The following OTUD7A variants were observed in gnomAD, a reference collection of about 807,000 sequenced individuals.
OTUD7A encodes OTU domain-containing protein 7A.
In OTUD7A, 12 loss-of-function variants were observed where a neutral mutation model predicts 65.7. That is an observed-to-expected ratio of 0.18 (90% CI 0.12 to 0.30). OTUD7A has a LOEUF of 0.30. Ranked by LOEUF, OTUD7A falls within the 10% of genes least tolerant of loss-of-function variation. The pLI, the probability that OTUD7A is intolerant of heterozygous loss-of-function variation, is 1.00. For missense variants in OTUD7A, 1,148 were observed against 1,304.8 expected (o/e 0.88, Z 1.85); for synonymous variants, 641 against 586.3 (o/e 1.09, Z -1.35).
intron 1 of OTUD7A, among the ~76,000 whole-genome samples, chr15:31,737,865 T>A (rs919953769): frequency 6.6e-6 from 1 of 152,156 alleles, no homozygotes; most frequent in Non-Finnish European, 1.5e-5. Flanking sequence ...AGCTTCAGAA[T>A]CATATGTATT....
intron 1 of OTUD7A, among the ~76,000 whole-genome samples, chr15:31,782,089 T>A (rs118010769): frequency 6.6e-6 from 1 of 152,220 alleles, no homozygotes; most frequent in Non-Finnish European, 1.5e-5. Context: ...AGGTGCTCTG[T>A]AGGGGTGTCC....
chr15:31,733,387 G>A (rs892355606), intron 1 of OTUD7A, among the ~76,000 whole-genome samples: 8 of 152,160 alleles, frequency 5.3e-5, no homozygotes, highest in Admixed American at 4.6e-4. Flanking sequence ...TGTAGGATTT[G>A]TGAATAAGCT....
In OTUD7A at chr15:31,503,695, T is replaced by G. The variant is rs1476497822; in HGVS notation, c.1017A>C (p.Gly339=). The G allele has an allele frequency of 6.2e-7, 1 of 1,614,208 alleles. No individual in the cohort carries two copies. The highest frequency in any genetic ancestry group is 1.1e-5 in the South Asian group (1 of 91,076). ...VADTMLRDSG[G]EAFAPIPFGG... ...ACATCTCTTTGAGGAACTTACCTTC[T>G]CCACCTGAGTCTCTTAACATTGTAT... The change falls in exon 9 of 13, where the codon GGA becomes GGC. Residue 339 remains glycine, a synonymous_variant. Transcript: ENST00000307050.
At chr15:31,774,952 G>T (rs1333221707) in intron 1 of OTUD7A, among the ~76,000 whole-genome samples, 1 of 136,410 alleles carries the variant, frequency 7.3e-6, no homozygotes, top group African/African-American at 2.8e-5. Flanking sequence ...CTTCTCGGTG[G>T]AACAGTTTTG....
chr15:31,584,785 G>A (rs1230653367), intron 3 of OTUD7A, among the ~76,000 whole-genome samples: 1 of 152,282 alleles, frequency 6.6e-6, no homozygotes, highest in African/African-American at 2.4e-5. Flanking sequence ...TCACAGACAC[G>A]TCAGCTGGAG....
At chr15:31,802,082 AAT>A (rs1297920458) in intron 1 of OTUD7A, among the ~76,000 whole-genome samples, 6 of 147,358 alleles carry the variant, frequency 4.1e-5, no homozygotes, top group African/African-American at 1.5e-4. Flanking sequence ...GAACTAATGG[AAT>A]ATATATGTGT....
At chr15:31,765,973 T>C (rs1895084101) in intron 1 of OTUD7A, 13 of 1,447,284 alleles carry the variant, frequency 9.0e-6, no homozygotes, top group South Asian at 2.3e-5. Context: ...GCTTGAGAGG[T>C]AGAAATTTTT....
chr15:31,726,016 A>G (rs553079933), intron 1 of OTUD7A, among the ~76,000 whole-genome samples: 32 of 151,374 alleles, frequency 2.1e-4, no homozygotes, highest in Non-Finnish European at 4.1e-4. Context: ...TCTCAGATTT[A>G]TAATTCTAAT....
chr15:31,841,634 A>G (rs1164046267), intron 1 of OTUD7A, among the ~76,000 whole-genome samples: 1 of 152,166 alleles, frequency 6.6e-6, no homozygotes, highest in Non-Finnish European at 1.5e-5. Flanking sequence ...ATTTAAATAC[A>G]GAATCTGCCT....
intron 1 of OTUD7A, among the ~76,000 whole-genome samples, chr15:31,667,244 T>C (rs900971464): frequency 2.6e-5 from 4 of 152,056 alleles, no homozygotes; most frequent in African/African-American, 4.8e-5. Context: ...CCCCATATTA[T>C]TGTGTTGCTG....
At chr15:31,717,848 T>C (rs1174897561) in intron 1 of OTUD7A, among the ~76,000 whole-genome samples, 1 of 152,226 alleles carries the variant, frequency 6.6e-6, no homozygotes, top group Admixed American at 6.5e-5. Flanking sequence ...CTAATTTACA[T>C]TCCCACCAAC....
At chr15:31,804,216 C>T (rs1392117493) in intron 1 of OTUD7A, among the ~76,000 whole-genome samples, 1 of 152,136 alleles carries the variant, frequency 6.6e-6, no homozygotes, top group Non-Finnish European at 1.5e-5. Flanking sequence ...TATAAAATAC[C>T]TTGAAGAGAA....
At chr15:31,545,482 T>G (rs1888102251) in intron 5 of OTUD7A, among the ~76,000 whole-genome samples, 1 of 151,988 alleles carries the variant, frequency 6.6e-6, no homozygotes, top group Admixed American at 6.5e-5. Flanking sequence ...AGGGAACCAG[T>G]AGGGTGGGTG....
At chr15:31,766,149 T>C in intron 1 of OTUD7A, 1 of 1,463,320 alleles carries the variant, frequency 6.8e-7, no homozygotes, top group South Asian at 1.1e-5. Flanking sequence ...TTCCTGATCA[T>C]GATCCATTAA....
chr15:31,839,339 TTTC>T (rs1310335541), intron 1 of OTUD7A, among the ~76,000 whole-genome samples: 12 of 152,290 alleles, frequency 7.9e-5, no homozygotes, highest in Middle Eastern at 3.4e-3. Flanking sequence ...CACATTCCCA[TTTC>T]TTCTTCTGTT....
intron 1 of OTUD7A, among the ~76,000 whole-genome samples, chr15:31,802,486 C>T (rs1896161468): frequency 6.6e-6 from 1 of 151,564 alleles, no homozygotes; most frequent in Admixed American, 6.6e-5. Flanking sequence ...CACAGACACA[C>T]CAACGATCAA....
intron 3 of OTUD7A, among the ~76,000 whole-genome samples, chr15:31,642,286 C>T (rs1470268715): frequency 6.6e-6 from 1 of 152,146 alleles, no homozygotes; most frequent in East Asian, 1.9e-4. Flanking sequence ...GAGGTAGTAT[C>T]CTTTTTATAT....
chr15:31,842,838 C>A (rs1009576999), intron 1 of OTUD7A, among the ~76,000 whole-genome samples: 3 of 152,048 alleles, frequency 2.0e-5, no homozygotes, highest in Non-Finnish European at 2.9e-5. Flanking sequence ...ACTGTTGGGC[C>A]CAGAATTCCA....
At chr15:31,701,437 A>G (rs1043933359) in intron 1 of OTUD7A, among the ~76,000 whole-genome samples, 2 of 151,824 alleles carry the variant, frequency 1.3e-5, no homozygotes, top group African/African-American at 4.8e-5. Flanking sequence ...AAAAGTTTAA[A>G]AAGATGACAC....
Sources: allele counts gnomAD v4.1 joint callset (sites outside exome capture counted in the v4.1 genomes callset), GRCh38; gene constraint gnomAD v4.1.1; transcripts MANE v1.5; gene names NCBI Gene and HGNC (gene_info 2026-07-23, HGNC 2026-07-21).